Variants in CHL1 observed in about 807,000 individuals in gnomAD.
The protein encoded by CHL1 is neural cell adhesion molecule L1-like protein.
In CHL1, 96 loss-of-function variants were observed where a neutral mutation model predicts 141.9. The ratio of observed to expected loss-of-function variants is 0.68; its 90% CI spans 0.57 to 0.80. The LOEUF is 0.80. Among genes scored for constraint, CHL1 ranks in the 30% least tolerant of loss-of-function variants. CHL1 has a pLI of 0.00. For missense variants in CHL1, 1,820 were observed against 1,457.2 expected, an observed-to-expected ratio of 1.25 and a Z score of -4.05; for synonymous variants, 613 against 502.2, an observed-to-expected ratio of 1.22 and a Z score of -2.95.
chr3:286,610 C>CAAAAA (rs537257607), intron 2 of CHL1, among the ~76,000 whole-genome samples: 27 of 112,094 alleles, frequency 2.4e-4, no homozygotes, highest in African/African-American at 6.6e-4. Flanking sequence ...GACTTTGTCT[C>CAAAAA]AAAAAAAAAA....
intron 16 of CHL1, 107 bp downstream of exon 16, chr3:378,049 T>C: frequency 2.1e-6 from 2 of 967,890 alleles, no homozygotes; most frequent in Non-Finnish European, 1.4e-6. Context: ...TGCACATATA[T>C]TGTTAGTTTC....
At chr3:364,817 T>C (rs1228121579) in intron 14 of CHL1, among the ~76,000 whole-genome samples, 1 of 152,172 alleles carries the variant, frequency 6.6e-6, no homozygotes, top group Non-Finnish European at 1.5e-5. Context: ...CCTTAAATTA[T>C]TTTCTCTGTA....
intron 2 of CHL1, among the ~76,000 whole-genome samples, chr3:300,095 AC>A (rs1182207919): frequency 6.6e-6 from 1 of 152,222 alleles, no homozygotes; most frequent in East Asian, 1.9e-4. Flanking sequence ...TTTGAAACTT[AC>A]TATAATATTT....
chr3:333,104 C>G (rs1418527295), intron 5 of CHL1, among the ~76,000 whole-genome samples: 2 of 118,010 alleles, frequency 1.7e-5, no homozygotes, highest in Non-Finnish European at 3.6e-5. Context: ...ATCTGAGCTA[C>G]GTTGTTGGAT....
chr3:389,020 T>C (rs1296885757), intron 19 of CHL1, among the ~76,000 whole-genome samples: 2 of 143,176 alleles, frequency 1.4e-5, no homozygotes, highest in African/African-American at 5.1e-5. Flanking sequence ...TCCAGGCATC[T>C]GATTGTAGGC....
intron 19 of CHL1, among the ~76,000 whole-genome samples, chr3:386,446 A>G (rs9847822): frequency 6.6e-6 from 1 of 152,132 alleles, no homozygotes; most frequent in African/African-American, 2.4e-5. Flanking sequence ...ACTCACTCAT[A>G]TATTTTGAGT....
intron 2 of CHL1, chr3:308,916 G>T: frequency 6.3e-6 from 1 of 159,798 alleles, no homozygotes; most frequent in South Asian, 2.0e-4. Context: ...ATTTGTTCTG[G>T]ATCGTTTTTT....
intron 11 of CHL1, among the ~76,000 whole-genome samples, chr3:359,607 G>T (rs977584796): frequency 1.3e-5 from 2 of 152,062 alleles, no homozygotes; most frequent in Non-Finnish European, 2.9e-5. Flanking sequence ...CCAGCCTCAT[G>T]TTAGGTATTC....
At chr3:360,184 G>A in intron 11 of CHL1, 100 bp from the exon 12 acceptor site, 2 of 1,365,950 alleles carry the variant, frequency 1.5e-6, no homozygotes, top group East Asian at 2.4e-5. Flanking sequence ...ACCCTAAACT[G>A]GTTTGAAAAT....
chr3:253,028 G>T (rs561676338), intron 2 of CHL1, among the ~76,000 whole-genome samples: 1 of 151,948 alleles, frequency 6.6e-6, no homozygotes, highest in African/African-American at 2.4e-5. Flanking sequence ...GATTTAAGTG[G>T]GCTTGAATTT....
intron 26 of CHL1, among the ~76,000 whole-genome samples, chr3:400,529 C>T (rs1007858827): frequency 1.4e-5 from 2 of 147,666 alleles, no homozygotes; most frequent in Admixed American, 1.4e-4. Flanking sequence ...AGAGAATCTA[C>T]TAGGTCTCTG....
chr3:374,773 G>T (rs909690953), intron 15 of CHL1, among the ~76,000 whole-genome samples: 1 of 152,180 alleles, frequency 6.6e-6, no homozygotes, highest in East Asian at 1.9e-4. Flanking sequence ...ATATAGCAGG[G>T]AGTAGAAGTC....
intron 2 of CHL1, among the ~76,000 whole-genome samples, chr3:280,364 G>T (rs1184492895): frequency 1.3e-5 from 2 of 152,060 alleles, no homozygotes; most frequent in Non-Finnish European, 1.5e-5. Flanking sequence ...TTGAACATCA[G>T]TCTTCTTACT....
At chr3:323,526 T>C (rs958200037) in intron 3 of CHL1, among the ~76,000 whole-genome samples, 3 of 152,156 alleles carry the variant, frequency 2.0e-5, no homozygotes, top group Admixed American at 2.0e-4. Context: ...TGATAGGGTT[T>C]AGATTTCACA....
chr3:260,680 G>T (rs1010989757), intron 2 of CHL1, among the ~76,000 whole-genome samples: 4 of 152,138 alleles, frequency 2.6e-5, no homozygotes, highest in Non-Finnish European at 4.4e-5. Flanking sequence ...TGTAGTTTGG[G>T]AAATTTGTTC....
intron 9 of CHL1, among the ~76,000 whole-genome samples, chr3:349,148 G>A (rs1703021901): frequency 6.6e-6 from 1 of 152,194 alleles, no homozygotes; most frequent in Admixed American, 6.5e-5. Flanking sequence ...CAGACCACTG[G>A]AGGAACTTTC....
At chr3:323,507 A>G (rs1205834789) in intron 3 of CHL1, among the ~76,000 whole-genome samples, 1 of 152,172 alleles carries the variant, frequency 6.6e-6, no homozygotes, top group East Asian at 1.9e-4. Context: ...CACAGTATGA[A>G]AAGTTGATTG....
At chr3:205,110 T>C (rs2054778361) in intron 1 of CHL1, among the ~76,000 whole-genome samples, 1 of 150,138 alleles carries the variant, frequency 6.7e-6, no homozygotes, top group East Asian at 1.9e-4. Flanking sequence ...CTTTCTTTTT[T>C]TTTTTTTTTG....
At chr3:376,405 A>G (rs757986807) in intron 15 of CHL1, 1 of 517,494 alleles carries the variant, frequency 1.9e-6, no homozygotes, top group Non-Finnish European at 3.9e-6. Context: ...AGGCTGGAAC[A>G]CGACATTTTT....
Sources: gnomAD v4.1 joint callset for allele counts (sites outside exome capture counted in the v4.1 genomes callset) on GRCh38, gnomAD v4.1.1 for gene constraint, MANE v1.5 for transcripts, NCBI Gene and HGNC (gene_info 2026-07-23, HGNC 2026-07-21) for gene names.